The following CEP104 variants were observed in gnomAD, a reference collection of about 807,000 sequenced individuals.
CEP104 encodes the protein centrosomal protein of 104 kDa.
CEP104 carries 84 observed loss-of-function variants against 113.3 expected under a neutral mutation model. That is an observed-to-expected ratio of 0.74 (90% CI 0.62 to 0.89). The LOEUF (loss-of-function observed/expected upper bound fraction) is 0.89, where lower values mean the gene tolerates loss of function less well. CEP104 is among the 40% of genes least tolerant of loss of function. The pLI, the probability that CEP104 is intolerant of heterozygous loss-of-function variation, is 0.00. For missense variants in CEP104, 1,053 were observed against 1,156.6 expected (o/e 0.91, Z 1.30); for synonymous variants, 378 against 421.7 (o/e 0.90, Z 1.27).
chr1:3,816,397 TTAATCAG>T, intron 20 of CEP104, 27 bp from the exon 21 acceptor site: 1 of 1,536,564 alleles, frequency 6.5e-7, no homozygotes, highest in Non-Finnish European at 8.8e-7. Flanking sequence ...ACACAGAGTG[TTAATCAG>T]GCGAGACGGA....
chr1:3,839,057 G>A lies in CEP104; in HGVS notation c.798C>T (p.Tyr266=), dbSNP rs755213832. The part of the protein sequence containing the change: ...EKRCAVEKED[Y]DLAKEKKQQM... ...GCTGCTTCTTCTCCTTGGCGAGATC[G>A]TAGTCTTCCTTCTCCACGGCACAGC... The change falls in exon 8 of 22, where the codon TAC becomes TAT. Residue 266 remains tyrosine (Y), a synonymous_variant. Transcript: ENST00000378230. The A allele has an allele frequency of 2.0e-5, 32 of 1,613,880 alleles. No individual in the cohort carries two copies. The highest frequency in any genetic ancestry group is 1.6e-4 in the Middle Eastern group (1 of 6,084).
rs1356606445 is a variant in CEP104 at position 3,825,834 on chromosome 1, G to A, written c.2288C>T (p.Ser763Phe). 5 of 1,613,612 alleles carry A rather than the reference G, an allele frequency of 3.1e-6. No homozygotes were observed. In the African/African-American group the frequency reaches 4.0e-5, roughly 13 times the overall value. ...GAGATCCAGACCTTCCTCTGTGAAG[G>A]ATTCACTCCTTTCCCCACAAAAAAT... Reference protein sequence around the residue: ...LCIFCGERSESFTEEGLDLHY... With the variant: ...LCIFCGERSEFFTEEGLDLHY... The change falls in exon 18 of 22, where the codon TCC (serine) becomes TTC (phenylalanine). Residue 763 changes from serine (S) to phenylalanine (F), a missense_variant. Coordinates refer to ENST00000378230, the MANE Select transcript of CEP104 (RefSeq NM_014704.4).
rs751310740 is a variant in CEP104 at position 3,834,915 on chromosome 1, G to A, written c.1485+10C>T. ...GCACGCTGGAGCCAGCGCCAGCTGA[G>A]GGCACTCACGGAGGTCACAATGTCC... On this transcript the variant is annotated intron_variant, in intron 11 of 21. Coordinates refer to ENST00000378230, the MANE Select transcript of CEP104 (RefSeq NM_014704.4). The A allele has an allele frequency of 4.5e-6, 7 of 1,572,008 alleles. No individual in the cohort carries two copies. Among genetic ancestry groups the A allele is most frequent in the Admixed American group, 3.8e-5 (2 of 52,836 alleles).
rs116017208 is a variant in CEP104 at position 3,833,574 on chromosome 1, A to T, written c.1659+288T>A. ...TTATATTTTTTATTTCTTTACCCTCAGATTTTCTCTTTTGATATCATTTTC... is the reference window on the plus strand; with the variant it reads ...TTATATTTTTTATTTCTTTACCCTCTGATTTTCTCTTTTGATATCATTTTC... On this transcript the variant is annotated intron_variant, in intron 12 of 21. Transcript: ENST00000378230. The T allele has an allele frequency of 3.4e-3, 1,058 of 308,056 alleles. 10 individuals carry two copies. Among genetic ancestry groups the T allele is most frequent in the African/African-American group, 0.02 (959 of 47,378 alleles). The allele number at this position is 308,056 out of a possible 1,614,324, so 19.1% of individuals were successfully genotyped here.
intron 18 of CEP104, among the ~76,000 whole-genome samples, chr1:3,824,276 G>A (rs1644040435): frequency 6.6e-6 from 1 of 152,128 alleles, no homozygotes; most frequent in African/African-American, 2.4e-5. Context: ...AGTAGAGACG[G>A]GGTTTCTCCG....
In CEP104 at chr1:3,823,040, G is replaced by A. The variant is rs1393116350; in HGVS notation, c.2571+134C>T. ...ACTGCTCAGACAGGGCTCACTAGAC[G>A]CTGTCCCCTCCCTGAACACTCATGT... On this transcript the variant is annotated intron_variant, in intron 20 of 21. Coordinates refer to ENST00000378230, the MANE Select transcript of CEP104 (RefSeq NM_014704.4). The surrounding 1 kb of genome is among the most constrained non-coding windows in gnomAD (Gnocchi z 4.1). The A allele has an allele frequency of 1.2e-5, 9 of 766,772 alleles. No individual in the cohort carries two copies. The highest frequency in any genetic ancestry group is 7.4e-5 in the East Asian group (3 of 40,464). The allele number at this position is 766,772 out of a possible 1,614,324, so 47.5% of individuals were successfully genotyped here. A position where few individuals can be genotyped will look rare whatever the true frequency, so the allele number is the denominator to read the frequency against.
In CEP104 at chr1:3,838,982, G is replaced by A. The variant is rs1644364310; in HGVS notation, c.873C>T (p.Ser291=). 3.1e-6 allele frequency: 5 copies of A among 1,613,990 alleles called. No homozygotes were observed. The highest frequency in any genetic ancestry group is 1.3e-5 in the African/African-American group (1 of 74,920). ...CACCCACCAGCTCGGCATCCAGGAG[G>A]CTGTGCAGCTCCAGCTGCTCGTACA... ...AEVYEQLELH[S]LLDAELMRRP... is the part of the protein sequence containing the mutation. The change falls in exon 8 of 22, where the codon AGC becomes AGT. Residue 291 remains serine (S), a synonymous_variant. Transcript: ENST00000378230.
chr1:3,842,712 A>G (rs960320282), intron 6 of CEP104, among the ~76,000 whole-genome samples: 6 of 152,242 alleles, frequency 3.9e-5, no homozygotes, highest in Admixed American at 3.9e-4. Flanking sequence ...AAGTTTAAAA[A>G]GTTGATCTTT....
intron 1 of CEP104, 149 bp from the exon 2 acceptor site, chr1:3,852,570 T>G: frequency 1.4e-6 from 1 of 717,512 alleles, no homozygotes; most frequent in South Asian, 2.2e-5. Context: ...AGTCTATTTT[T>G]TTTTGTTAAA....
rs530353794 is a variant in CEP104 at position 3,839,691 on chromosome 1, C to G, written c.652G>C (p.Asp218His). The change falls in exon 7 of 22, where the codon GAT becomes CAT. Residue 218 changes from aspartate to histidine, a missense_variant. Physicochemically the swap from Asp to His is moderately conservative, Grantham distance 81 (BLOSUM62 -1). Coordinates refer to ENST00000378230, the MANE Select transcript of CEP104 (RefSeq NM_014704.4). ...PEVAQIIRKL[D>H]ERKREAVQKE... ...TGGACAGCTTCCCGTTTTCTTTCATCTAATTTTCGTATGATCTGTGCAACT... is the reference window on the plus strand; with the variant it reads ...TGGACAGCTTCCCGTTTTCTTTCATGTAATTTTCGTATGATCTGTGCAACT... The G allele has an allele frequency of 1.2e-6, 2 of 1,614,116 alleles. No homozygotes were observed. The highest frequency in any genetic ancestry group is 2.7e-5 in the African/African-American group (2 of 75,046).
Position 3,831,194 on chromosome 1 carries a change from GACTTA to G in CEP104, c.1683_1687del (p.Lys562SerfsTer45). 6.2e-7 allele frequency: 1 copy of G among 1,613,890 alleles called. No homozygotes were observed. Among genetic ancestry groups the G allele is most frequent in the Non-Finnish European group, 8.5e-7 (1 of 1,179,824 alleles). On this transcript the variant is annotated frameshift_variant, in exon 13 of 22. Transcript: ENST00000378230. LOFTEE classifies it high-confidence loss of function. ...CAGGTAGGATGGAATAATTTGGAGAGACTTAACTTCTTTAAACAAGGCCATTTCCT... is the reference window on the plus strand; with the variant it reads ...CAGGTAGGATGGAATAATTTGGAGAGACTTCTTTAAACAAGGCCATTTCCT...
rs1644030965 is a variant in CEP104, at chr1:3,823,860, A to G, written c.2365-298T>C. Among the ~76,000 whole-genome samples, 1 of 152,176 alleles carries G rather than the reference A, an allele frequency of 6.6e-6. No homozygotes were observed. Among genetic ancestry groups the G allele is most frequent in the Non-Finnish European group, 1.5e-5 (1 of 68,040 alleles). On this transcript the variant is annotated intron_variant, in intron 18 of 21. Coordinates refer to ENST00000378230, the MANE Select transcript of CEP104 (RefSeq NM_014704.4). This position sits in a 1 kb window ranked among gnomAD's most constrained non-coding sequence, Gnocchi z 4.1. The stretch of plus-strand genomic sequence containing the variant: ...GTGTGAAGCTTGGATGAGGGCGCAG[A>G]GTGGCTCAGTGGTTACAGTGTGGCC...
intron 20 of CEP104, among the ~76,000 whole-genome samples, chr1:3,818,495 C>T (rs1478110268): frequency 6.6e-6 from 1 of 152,206 alleles, no homozygotes; most frequent in Non-Finnish European, 1.5e-5. Flanking sequence ...CTGACCACTT[C>T]TCGCCACTTA....
At chr1:3,841,185 G>A (rs12744607) in intron 6 of CEP104, among the ~76,000 whole-genome samples, 46,284 of 151,972 alleles carry the variant, frequency 0.3, 8,269 homozygotes, top group African/African-American at 0.49. Context: ...AGACAGGTAC[G>A]TTTTAATGAA....
chr1:3,851,849 A>C (rs561692384), intron 2 of CEP104, among the ~76,000 whole-genome samples: 6 of 152,288 alleles, frequency 3.9e-5, no homozygotes, highest in Non-Finnish European at 7.4e-5. Flanking sequence ...TGTTTAAGAG[A>C]AATGTGAAAG....
In CEP104 at chr1:3,819,147, CGTGCAA is replaced by C. The variant is rs1364018781; in HGVS notation, c.2572-2783_2572-2778del. On this transcript the variant is annotated intron_variant, in intron 20 of 21. Transcript: ENST00000378230. The surrounding 1 kb of genome is among the most constrained non-coding windows in gnomAD (Gnocchi z 4.6). ...TACCTAGTATGTTCAAGGACTTGAA[CGTGCAA>C]TGAAGTGCTACTGATCTATTAGAAC... is the stretch of plus-strand genomic sequence containing the variant. Among the ~76,000 whole-genome samples, 3 of 152,170 alleles carry C rather than the reference CGTGCAA, an allele frequency of 2.0e-5. No individual in the cohort carries two copies. The highest frequency in any genetic ancestry group is 1.5e-5 in the Non-Finnish European group (1 of 68,038).
At chr1:3,836,923 A>AGGT (rs1644326058) in intron 9 of CEP104, 2 of 534,794 alleles carry the variant, frequency 3.7e-6, no homozygotes, top group Non-Finnish European at 6.5e-6. Flanking sequence ...ACCTAATAAA[A>AGGT]AAAAGCAAGG....
chr1:3,817,513 C>G (rs533638593), intron 20 of CEP104, among the ~76,000 whole-genome samples: 2 of 152,288 alleles, frequency 1.3e-5, no homozygotes, highest in South Asian at 4.1e-4. Flanking sequence ...AGAGCGCTTG[C>G]AGCCCCAGCC....
chr1:3,820,069 A>G (rs1311192647), intron 20 of CEP104, among the ~76,000 whole-genome samples: 1 of 152,166 alleles, frequency 6.6e-6, no homozygotes, highest in Non-Finnish European at 1.5e-5. Flanking sequence ...TTTTCTGCTT[A>G]TGCTGAAGGG....
Sources: allele counts gnomAD v4.1 joint callset (sites outside exome capture counted in the v4.1 genomes callset), GRCh38; gene constraint gnomAD v4.1.1; non-coding constraint Gnocchi (gnomAD v3.1); transcripts MANE v1.5; gene names NCBI Gene and HGNC (gene_info 2026-07-23, HGNC 2026-07-21).